INPP4B: variants seen among roughly 807,000 people sequenced by gnomAD.
INPP4B encodes inositol polyphosphate-4-phosphatase type II B.
A neutral mutation model predicts 122.5 loss-of-function variants in INPP4B; 55 were observed. The ratio of observed to expected loss-of-function variants is 0.45; its 90% confidence interval spans 0.36 to 0.56. The LOEUF (loss-of-function observed/expected upper bound fraction) is 0.56. Ranked by LOEUF, INPP4B falls within the 20% of genes least tolerant of loss-of-function variation. The probability of loss-of-function intolerance (pLI) is 0.00; values close to 1 mark genes in which losing one functional copy is unlikely to be tolerated. For synonymous variants in INPP4B, 403 were observed against 388.7 expected, an observed-to-expected ratio of 1.04 and a Z score of -0.43; for missense variants, 1,000 against 1,097.7, an observed-to-expected ratio of 0.91 and a Z score of 1.26.
At chr4:142,552,252 T>C (rs1728148589) in intron 2 of INPP4B, among the ~76,000 whole-genome samples, 1 of 152,158 alleles carries the variant, frequency 6.6e-6, no homozygotes, top group South Asian at 2.1e-4. Flanking sequence ...CAACTAGAAT[T>C]CTTGCTGAAG....
At chr4:142,558,834 T>C (rs1212608804) in intron 2 of INPP4B, among the ~76,000 whole-genome samples, 1 of 146,746 alleles carries the variant, frequency 6.8e-6, no homozygotes, top group Non-Finnish European at 1.5e-5. Context: ...GAAGCTCAAT[T>C]TTTTGAAGCT....
At chr4:142,388,479 T>A (rs969972391) in intron 7 of INPP4B, among the ~76,000 whole-genome samples, 3 of 152,134 alleles carry the variant, frequency 2.0e-5, no homozygotes, top group Non-Finnish European at 1.5e-5. Context: ...TAACTTCTAG[T>A]AGCCCGGGTC....
At chr4:142,751,287 A>G (rs1433219636) in intron 1 of INPP4B, among the ~76,000 whole-genome samples, 1 of 64,834 alleles carries the variant, frequency 1.5e-5, no homozygotes, top group Non-Finnish European at 3.7e-5. Flanking sequence ...CTGTGTCAAA[A>G]AAAAAAAAAA....
chr4:142,386,079 C>A (rs954749354), intron 7 of INPP4B, among the ~76,000 whole-genome samples: 2 of 152,134 alleles, frequency 1.3e-5, no homozygotes, highest in African/African-American at 4.8e-5. Flanking sequence ...ATCTTCTTCT[C>A]TATTTCTATG....
At position 142,123,285 on chromosome 4, in the gene INPP4B, T is replaced by C. The variant is rs1363115361; in HGVS notation, c.2017+7A>G. 1.3e-6 allele frequency: 2 copies of C among 1,587,370 alleles called. No homozygotes were observed. The highest frequency in any genetic ancestry group is 1.7e-4 in the Middle Eastern group (1 of 5,970). Reference sequence around the variant, plus strand: ...GTGATTTTAACTTGTACTAAAGCAATACTCACTGTATGTACTTAGCAGTCC... The same window carrying C: ...GTGATTTTAACTTGTACTAAAGCAACACTCACTGTATGTACTTAGCAGTCC... On this transcript the variant is annotated splice_region_variant and intron_variant, in intron 20 of 25. Coordinates refer to ENST00000262992, the MANE Select transcript of INPP4B (RefSeq NM_001101669.3).
At chr4:142,683,975 A>C (rs907343301) in intron 2 of INPP4B, among the ~76,000 whole-genome samples, 1 of 152,082 alleles carries the variant, frequency 6.6e-6, no homozygotes, top group African/African-American at 2.4e-5. Context: ...AAACATACAA[A>C]GGCAAAGGAG....
intron 2 of INPP4B, among the ~76,000 whole-genome samples, chr4:142,490,622 A>G (rs955031733): frequency 6.6e-6 from 1 of 152,130 alleles, no homozygotes; most frequent in African/African-American, 2.4e-5. Flanking sequence ...AACTATAGTC[A>G]CAATATTATA....
At chr4:142,058,679 A>G (rs1334610094) in intron 25 of INPP4B, among the ~76,000 whole-genome samples, 2 of 152,180 alleles carry the variant, frequency 1.3e-5, no homozygotes, top group Non-Finnish European at 1.5e-5. Flanking sequence ...TCTACTTTTC[A>G]GAAGTAATAT....
At chr4:142,071,381 C>A (rs1767207943) in intron 25 of INPP4B, among the ~76,000 whole-genome samples, 1 of 152,080 alleles carries the variant, frequency 6.6e-6, no homozygotes, top group African/African-American at 2.4e-5. Flanking sequence ...ACCATAAAAA[C>A]CCTAGAAGAA....
At chr4:142,620,978 T>G (rs1744785008) in intron 2 of INPP4B, among the ~76,000 whole-genome samples, 1 of 151,914 alleles carries the variant, frequency 6.6e-6, no homozygotes, top group Admixed American at 6.6e-5. Flanking sequence ...ATCAAAAAAG[T>G]AAATTAAAAT....
At chr4:142,450,467 T>C (rs1813889406) in intron 3 of INPP4B, among the ~76,000 whole-genome samples, 2 of 152,128 alleles carry the variant, frequency 1.3e-5, no homozygotes, top group Admixed American at 1.3e-4. Flanking sequence ...TTCTATAAAA[T>C]ACCATTGACT....
At chr4:142,347,621 T>A (rs1561903127) in intron 7 of INPP4B, 2 of 360,052 alleles carry the variant, frequency 5.6e-6, no homozygotes, top group East Asian at 1.7e-4. Flanking sequence ...AAATAAAAAT[T>A]AAATTTCAAT....
At chr4:142,712,532 G>C (rs75899478) in intron 2 of INPP4B, among the ~76,000 whole-genome samples, 4,314 of 152,258 alleles carry the variant, frequency 0.028, 71 homozygotes, top group Middle Eastern at 0.095. Flanking sequence ...ATGTGTTAAA[G>C]ATAGTTTAGT....
At chr4:142,081,749 A>G (rs1306401375) in intron 25 of INPP4B, among the ~76,000 whole-genome samples, 1 of 152,054 alleles carries the variant, frequency 6.6e-6, no homozygotes, top group Non-Finnish European at 1.5e-5. Flanking sequence ...ATAATATCAT[A>G]TATAATAATG....
chr4:142,338,031 T>TA (rs1407298349), intron 7 of INPP4B, among the ~76,000 whole-genome samples: 1 of 152,054 alleles, frequency 6.6e-6, no homozygotes, highest in East Asian at 1.9e-4. Flanking sequence ...TGTCAGCACT[T>TA]ACATATCTGA....
At chr4:142,059,751 G>A (rs1433956419) in intron 25 of INPP4B, among the ~76,000 whole-genome samples, 2 of 152,094 alleles carry the variant, frequency 1.3e-5, no homozygotes, top group African/African-American at 4.8e-5. Flanking sequence ...TGGGGCAGTA[G>A]GTAGACCCTT....
At chr4:142,772,333 G>A (rs1398182306) in intron 1 of INPP4B, among the ~76,000 whole-genome samples, 1 of 152,102 alleles carries the variant, frequency 6.6e-6, no homozygotes, top group African/African-American at 2.4e-5. Context: ...TCTCTGGGGT[G>A]GGAGTGAGGC....
intron 7 of INPP4B, among the ~76,000 whole-genome samples, chr4:142,375,454 CA>C (rs1369974766): frequency 1.3e-5 from 2 of 151,764 alleles, no homozygotes; most frequent in Non-Finnish European, 2.9e-5. Context: ...ATCTTTATTC[CA>C]AACCCTGTGG....
rs115313517 is a variant in INPP4B at position 142,801,762 on chromosome 4, T to C, written c.-254+44447A>G. Among the ~76,000 whole-genome samples the C allele has an allele frequency of 1.6e-3, 248 of 152,290 alleles. 1 individual carries two copies. The highest frequency in any genetic ancestry group is 5.7e-3 in the African/African-American group (235 of 41,564). On this transcript the variant is annotated intron_variant, in intron 1 of 25. Coordinates refer to ENST00000262992, the MANE Select transcript of INPP4B (RefSeq NM_001101669.3). ...TAAGTCAGAGTGACTCCCAGATTTT[T>C]AGTTTCAGTATTTGGGAAGGTACAG...
Sources: allele counts gnomAD v4.1 joint callset (sites outside exome capture counted in the v4.1 genomes callset), GRCh38; gene constraint gnomAD v4.1.1; transcripts MANE v1.5; gene names NCBI Gene and HGNC (gene_info 2026-07-23, HGNC 2026-07-21).